Variants in BAZ2B observed in about 807,000 individuals in gnomAD.
BAZ2B encodes the protein bromodomain adjacent to zinc finger domain 2B, also known as bromodomain adjacent to zinc finger domain protein 2B.
In BAZ2B, 91 loss-of-function variants were observed where a neutral mutation model predicts 246.0. The ratio of observed to expected loss-of-function variants is 0.37; its 90% CI spans 0.31 to 0.44. The LOEUF is 0.44. BAZ2B is among the 20% of genes least tolerant of loss of function. The probability of loss-of-function intolerance (pLI) is 1.00; values close to 1 mark genes in which losing one functional copy is unlikely to be tolerated. For synonymous variants in BAZ2B, 855 were observed against 860.0 expected, an observed-to-expected ratio of 0.99 and a Z score of 0.10; for missense variants, 2,332 against 2,533.7, an observed-to-expected ratio of 0.92 and a Z score of 1.71.
chr2:159,702,630 A>G, the BAZ2B span, among the ~76,000 whole-genome samples: 1 of 151,168 alleles, frequency 6.6e-6, no homozygotes, highest in African/African-American at 2.5e-5. Context: ...CAAAACAGTC[A>G]TATCATTATG....
chr2:159,495,148 A>G (rs1273778286), intron 2 of BAZ2B, among the ~76,000 whole-genome samples: 1 of 152,204 alleles, frequency 6.6e-6, no homozygotes, highest in Non-Finnish European at 1.5e-5. Context: ...GGATATCTAT[A>G]TTAAAAGTTA....
rs576573405 is a variant in BAZ2B at position 159,612,622 on chromosome 2, C to T, written c.-46+3620G>A. On this transcript the variant is annotated intron_variant, in intron 1 of 36. Coordinates refer to ENST00000392783, the MANE Select transcript of BAZ2B (RefSeq NM_013450.4). ...AAGACAGAAATCCTGAACTTTCATG[C>T]AACTGTGATATCCTACATCTTGTAT... Among the ~76,000 whole-genome samples, 208 of 152,244 alleles carry T rather than the reference C, an allele frequency of 1.4e-3. 1 individual carries two copies. The Middle Eastern group carries it at 0.034, about 25-fold the overall frequency.
At chr2:159,674,161 T>C in the BAZ2B span, among the ~76,000 whole-genome samples, 2 of 151,434 alleles carry the variant, frequency 1.3e-5, no homozygotes, top group South Asian at 2.1e-4. Context: ...CTAGGCAACA[T>C]AGTGAAACCT....
intron 1 of BAZ2B, among the ~76,000 whole-genome samples, chr2:159,614,828 T>C (rs570568593): frequency 2.6e-5 from 4 of 152,112 alleles, no homozygotes; most frequent in African/African-American, 7.2e-5. Flanking sequence ...AGGAGAAAAA[T>C]TAAGCAAAAA....
At chr2:159,486,259 C>G (rs1251515302) in intron 2 of BAZ2B, among the ~76,000 whole-genome samples, 1 of 151,820 alleles carries the variant, frequency 6.6e-6, no homozygotes, top group Non-Finnish European at 1.5e-5. Flanking sequence ...AAGCAAAAGA[C>G]CTAAAACTTT....
At chr2:159,598,383 G>C (rs1323032499) in intron 1 of BAZ2B, among the ~76,000 whole-genome samples, 1 of 152,170 alleles carries the variant, frequency 6.6e-6, no homozygotes, top group East Asian at 1.9e-4. Flanking sequence ...TGGGAACAGT[G>C]TCAAATCAAA....
chr2:159,434,047 G>GCGGC (rs2071658609), intron 8 of BAZ2B: 1 of 152,230 alleles, frequency 6.6e-6, no homozygotes, highest in East Asian at 1.9e-4. Context: ...ACCAGGAGCT[G>GCGGC]TGGCTCACTG....
chr2:159,575,275 C>G (rs779272770), intron 1 of BAZ2B, among the ~76,000 whole-genome samples: 1 of 151,962 alleles, frequency 6.6e-6, no homozygotes, highest in South Asian at 2.1e-4. Context: ...GTTACTCCAG[C>G]CTGGGCGACA....
intron 13 of BAZ2B, among the ~76,000 whole-genome samples, chr2:159,425,427 T>G (rs1445139872): frequency 2.0e-5 from 3 of 152,294 alleles, no homozygotes. Context: ...GTGATCCGCC[T>G]GCCTCAGCCT....
At chr2:159,560,019 T>C (rs1032738922) in intron 1 of BAZ2B, among the ~76,000 whole-genome samples, 3 of 152,172 alleles carry the variant, frequency 2.0e-5, no homozygotes, top group Non-Finnish European at 4.4e-5. Context: ...TGATATGCAA[T>C]CCTATGAGTA....
At chr2:159,501,150 A>T (rs1399180559) in intron 2 of BAZ2B, among the ~76,000 whole-genome samples, 10 of 31,532 alleles carry the variant, frequency 3.2e-4, no homozygotes, top group Admixed American at 5.8e-4. Context: ...TATATATATA[A>T]TATATATAAA....
intron 1 of BAZ2B, among the ~76,000 whole-genome samples, chr2:159,608,499 C>G (rs1176052836): frequency 6.6e-6 from 1 of 152,154 alleles, no homozygotes; most frequent in Non-Finnish European, 1.5e-5. Flanking sequence ...GCATTTTAGT[C>G]AAAAACTAAG....
At chr2:159,500,910 C>T (rs371479992) in intron 2 of BAZ2B, among the ~76,000 whole-genome samples, 17 of 149,154 alleles carry the variant, frequency 1.1e-4, no homozygotes, top group Admixed American at 8.1e-4. Context: ...GCTGAGATTG[C>T]GCCACTGCAC....
intron 35 of BAZ2B, 152 bp from the exon 36 acceptor site, chr2:159,325,106 ATATATATATT>A: frequency 3.0e-4 from 1 of 3,350 alleles, no homozygotes; most frequent in African/African-American, 1.6e-3. Context: ...ATATATATAT[ATATATATATT>A]TTATATATAT....
At chr2:159,453,369 C>T (rs1222201150) in intron 4 of BAZ2B, among the ~76,000 whole-genome samples, 1 of 152,170 alleles carries the variant, frequency 6.6e-6, no homozygotes, top group Admixed American at 6.5e-5. Flanking sequence ...GAATTACTCT[C>T]TCCTGTGACA....
At chr2:159,467,241 AG>A (rs2077181616) in intron 3 of BAZ2B, among the ~76,000 whole-genome samples, 1 of 152,224 alleles carries the variant, frequency 6.6e-6, no homozygotes, top group Non-Finnish European at 1.5e-5. Flanking sequence ...GTAAAAATTA[AG>A]TTGAAAGTAC....
At chr2:159,576,936 G>C (rs1266903595) in intron 1 of BAZ2B, among the ~76,000 whole-genome samples, 1 of 81,796 alleles carries the variant, frequency 1.2e-5, no homozygotes, top group Non-Finnish European at 2.5e-5. Flanking sequence ...AAAAAAAAAG[G>C]AAAGTGTGGC....
intron 1 of BAZ2B, among the ~76,000 whole-genome samples, chr2:159,578,283 T>A (rs926341236): frequency 3.3e-5 from 5 of 152,184 alleles, no homozygotes; most frequent in Non-Finnish European, 5.9e-5. Flanking sequence ...ATACTTTTAA[T>A]GGAGGATCAG....
chr2:159,354,057 TAGTCAC>T (rs1323550177), intron 27 of BAZ2B, among the ~76,000 whole-genome samples: 1 of 152,066 alleles, frequency 6.6e-6, no homozygotes, highest in Non-Finnish European at 1.5e-5. Flanking sequence ...CATGTGAAAA[TAGTCAC>T]AAATATTTTC....
Sources: allele counts gnomAD v4.1 joint callset (sites outside exome capture counted in the v4.1 genomes callset), GRCh38; gene constraint gnomAD v4.1.1; transcripts MANE v1.5; gene names NCBI Gene and HGNC (gene_info 2026-07-23, HGNC 2026-07-21).